Variants in FBXL13 observed in about 807,000 individuals in gnomAD.
The protein encoded by FBXL13 is F-box and leucine rich repeat protein 13, also known as F-box and leucine-rich repeat protein 13.
FBXL13 carries 67 observed loss-of-function variants against 83.6 expected under a neutral mutation model. The ratio of observed to expected loss-of-function variants is 0.80; its 90% confidence interval spans 0.66 to 0.98. The LOEUF (loss-of-function observed/expected upper bound fraction) is 0.98, where lower values mean the gene tolerates loss of function less well. Among genes scored for constraint, FBXL13 ranks in the 50% least tolerant of loss-of-function variants. The probability of loss-of-function intolerance (pLI) is 0.00; values close to 1 mark genes in which losing one functional copy is unlikely to be tolerated. For synonymous variants in FBXL13, 272 were observed against 299.5 expected (o/e 0.91, Z 0.95); for missense variants, 822 against 866.5 (o/e 0.95, Z 0.64).
chr7:102,981,763 T>C (rs529803730), intron 6 of FBXL13, among the ~76,000 whole-genome samples: 1 of 152,342 alleles, frequency 6.6e-6, no homozygotes, highest in South Asian at 2.1e-4. Flanking sequence ...ATCCCATTCA[T>C]GAGGGCTTTG....
chr7:102,908,651 C>T (rs943523950), intron 11 of FBXL13, among the ~76,000 whole-genome samples: 7 of 152,230 alleles, frequency 4.6e-5, no homozygotes, highest in Admixed American at 1.3e-4. Context: ...GGTTCTCGCA[C>T]ACTTGTCAAG....
At chr7:102,966,147 A>C (rs1246532522) in intron 7 of FBXL13, among the ~76,000 whole-genome samples, 1 of 152,220 alleles carries the variant, frequency 6.6e-6, no homozygotes, top group South Asian at 2.1e-4. Context: ...TCATCTTACC[A>C]AACCTATCTT....
At chr7:102,985,607 G>GT (rs1828851014) in intron 6 of FBXL13, among the ~76,000 whole-genome samples, 1 of 152,156 alleles carries the variant, frequency 6.6e-6, no homozygotes, top group Non-Finnish European at 1.5e-5. Context: ...GGAAGACATA[G>GT]CTGACTCACT....
chr7:102,877,493 G>C, exon 16 of FBXL13: 1 of 1,609,460 alleles, frequency 6.2e-7, no homozygotes, highest in East Asian at 2.2e-5. Flanking sequence ...GTTCCAGAGA[G>C]ATCTATTGAT....
intron 9 of FBXL13, among the ~76,000 whole-genome samples, chr7:102,928,680 T>C (rs1818584844): frequency 6.6e-6 from 1 of 152,056 alleles, no homozygotes; most frequent in Non-Finnish European, 1.5e-5. Flanking sequence ...AACTGAAAAA[T>C]GATTAGTTTT....
At chr7:102,877,006 A>T (rs1809364245) in intron 16 of FBXL13, among the ~76,000 whole-genome samples, 1 of 152,162 alleles carries the variant, frequency 6.6e-6, no homozygotes, top group Non-Finnish European at 1.5e-5. Context: ...GATGAATACA[A>T]TCAGCAGCTT....
At chr7:102,998,723 T>C (rs1028771723) in intron 6 of FBXL13, among the ~76,000 whole-genome samples, 1 of 152,030 alleles carries the variant, frequency 6.6e-6, no homozygotes, top group Non-Finnish European at 1.5e-5. Flanking sequence ...TCCCAGCACT[T>C]TGGGAGGCTG....
chr7:103,054,215 T>C (rs1190008531), intron 2 of FBXL13, among the ~76,000 whole-genome samples: 2 of 151,740 alleles, frequency 1.3e-5, no homozygotes, highest in Non-Finnish European at 2.9e-5. Flanking sequence ...TGAAACCCCG[T>C]TTTTACTAAA....
intron 9 of FBXL13, among the ~76,000 whole-genome samples, chr7:102,930,602 T>G (rs1256457221): frequency 2.0e-5 from 3 of 152,224 alleles, no homozygotes. Context: ...TTCTTACCTG[T>G]TCACTTTGGT....
intron 2 of FBXL13, among the ~76,000 whole-genome samples, chr7:103,039,146 A>C (rs1232392198): frequency 1.3e-5 from 2 of 152,234 alleles, no homozygotes; most frequent in Non-Finnish European, 2.9e-5. Context: ...TGGAGCTGAA[A>C]ACCATGGCAT....
intron 2 of FBXL13, among the ~76,000 whole-genome samples, chr7:103,031,570 C>T (rs1429388732): frequency 1.3e-5 from 2 of 152,160 alleles, no homozygotes; most frequent in African/African-American, 2.4e-5. Context: ...AGTACCCTCA[C>T]ATAACACTCA....
intron 6 of FBXL13, chr7:102,973,104 C>A: frequency 5.9e-6 from 1 of 168,424 alleles, no homozygotes; most frequent in Non-Finnish European, 1.3e-5. Context: ...AAGACAAATT[C>A]TCCATGATTT....
At chr7:103,031,718 A>T (rs1309168707) in intron 2 of FBXL13, among the ~76,000 whole-genome samples, 1 of 152,228 alleles carries the variant, frequency 6.6e-6, no homozygotes, top group Non-Finnish European at 1.5e-5. Flanking sequence ...AAAAGAAAAA[A>T]TTCTACCATA....
chr7:103,027,573 C>G lies in FBXL13; in HGVS notation c.218-15G>C. The G allele has an allele frequency of 6.6e-7, 1 of 1,507,332 alleles. No homozygotes were observed. Among genetic ancestry groups the G allele is most frequent in the African/African-American group, 1.4e-5 (1 of 72,558 alleles). The allele number at this position is 1,507,332 out of a possible 1,614,324, so 93.4% of individuals were successfully genotyped here. A position where few individuals can be genotyped will look rare whatever the true frequency, so the allele number is the denominator to read the frequency against. On this transcript the variant is annotated splice_polypyrimidine_tract_variant and intron_variant, in intron 4 of 19. Coordinates refer to ENST00000313221, the Ensembl canonical transcript of FBXL13. ...CAATAGAATATCTGAAGGAAATTTA[C>G]TAGATTACTGTATATATTAATAGTT...
chr7:102,812,837 CTTCTTTTTT>C (rs1797509011), downstream of FBXL13, among the ~76,000 whole-genome samples: 1 of 143,096 alleles, frequency 7.0e-6, no homozygotes, highest in African/African-American at 2.6e-5. Flanking sequence ...CTTGATTTGG[CTTCTTTTTT>C]TTTTTTTTTT....
chr7:102,911,043 G>C (rs1584890298), intron 11 of FBXL13, among the ~76,000 whole-genome samples: 1 of 152,170 alleles, frequency 6.6e-6, no homozygotes, highest in Non-Finnish European at 1.5e-5. Context: ...CTACAGGCAT[G>C]AGCCACCGCG....
chr7:102,960,905 T>A (rs1297010817), intron 8 of FBXL13, among the ~76,000 whole-genome samples: 3 of 152,028 alleles, frequency 2.0e-5, no homozygotes, highest in Non-Finnish European at 4.4e-5. Context: ...ACTGGAAGCA[T>A]TCCCTTTGAA....
chr7:103,025,611 T>C (rs150739101), intron 5 of FBXL13, among the ~76,000 whole-genome samples: 4 of 152,340 alleles, frequency 2.6e-5, no homozygotes, highest in Admixed American at 6.5e-5. Flanking sequence ...TCAGTAGTAA[T>C]GCATTTGGGA....
chr7:103,021,955 T>C (rs1793232350), intron 6 of FBXL13, among the ~76,000 whole-genome samples: 1 of 152,176 alleles, frequency 6.6e-6, no homozygotes, highest in South Asian at 2.1e-4. Context: ...AGAATTACCA[T>C]TTGACCCAGC....
Sources: gnomAD v4.1 joint callset for allele counts (sites outside exome capture counted in the v4.1 genomes callset) on GRCh38, gnomAD v4.1.1 for gene constraint, MANE v1.5 for transcripts, NCBI Gene and HGNC (gene_info 2026-07-23, HGNC 2026-07-21) for gene names.